TIMD4: variants seen among roughly 807,000 people sequenced by gnomAD.
TIMD4 encodes T cell immunoglobulin and mucin domain containing 4.
Under a neutral mutation model 41.2 loss-of-function variants are expected in TIMD4, and 31 were observed. The observed-to-expected ratio is 0.75, with a 90% CI of 0.57 to 1.01. TIMD4 has a LOEUF of 1.01. Among genes scored for constraint, TIMD4 ranks in the 50% least tolerant of loss-of-function variants. TIMD4 has a pLI of 0.00. For synonymous variants in TIMD4, 204 were observed against 177.1 expected, an observed-to-expected ratio of 1.15 and a Z score of -1.21; for missense variants, 479 against 472.5, an observed-to-expected ratio of 1.01 and a Z score of -0.13.
At chr5:156,925,275 A>C (rs944395335) in intron 6 of TIMD4, among the ~76,000 whole-genome samples, 4 of 152,188 alleles carry the variant, frequency 2.6e-5, no homozygotes, top group Non-Finnish European at 5.9e-5. Context: ...GCACCACTGC[A>C]CTCCAGCCTG....
intron 5 of TIMD4, among the ~76,000 whole-genome samples, chr5:156,944,997 C>T (rs1759714149): frequency 6.6e-6 from 1 of 152,098 alleles, no homozygotes; most frequent in Non-Finnish European, 1.5e-5. Flanking sequence ...TAAATCAGCC[C>T]ACAACCACAG....
At chr5:156,929,276 A>G (rs928069294) in intron 5 of TIMD4, among the ~76,000 whole-genome samples, 7 of 152,184 alleles carry the variant, frequency 4.6e-5, no homozygotes, top group African/African-American at 1.2e-4. Flanking sequence ...GCTCTGACAC[A>G]TGTACATTGA....
intron 7 of TIMD4, 86 bp downstream of exon 7, chr5:156,922,013 A>C (rs1759252012): frequency 9.8e-7 from 1 of 1,023,300 alleles, no homozygotes. Context: ...GGGAGGGATA[A>C]AGGGGAAGGA....
intron 5 of TIMD4, among the ~76,000 whole-genome samples, chr5:156,937,088 C>T (rs976764631): frequency 6.6e-6 from 1 of 152,106 alleles, no homozygotes; most frequent in East Asian, 1.9e-4. Flanking sequence ...CTTTCACATA[C>T]ATTATCTCAT....
intron 5 of TIMD4, among the ~76,000 whole-genome samples, chr5:156,944,199 G>C (rs1759696513): frequency 6.6e-6 from 1 of 152,178 alleles, no homozygotes; most frequent in Non-Finnish European, 1.5e-5. Flanking sequence ...ATATTTTCAT[G>C]TGAGTTGTTA....
intron 2 of TIMD4, among the ~76,000 whole-genome samples, chr5:156,952,127 T>C (rs1012840747): frequency 1.3e-5 from 2 of 151,910 alleles, no homozygotes; most frequent in Non-Finnish European, 2.9e-5. Flanking sequence ...CTGCCTCTAC[T>C]AAAAATACAA....
chr5:156,922,862 G>C (rs6868706), intron 6 of TIMD4, among the ~76,000 whole-genome samples: 52,840 of 152,014 alleles, frequency 0.35, 10,494 homozygotes, highest in African/African-American at 0.55. Flanking sequence ...ATATTTCTCA[G>C]TAATTTTTTC....
intron 2 of TIMD4, among the ~76,000 whole-genome samples, chr5:156,953,861 A>G (rs1427630350): frequency 6.6e-6 from 1 of 152,058 alleles, no homozygotes; most frequent in African/African-American, 2.4e-5. Context: ...CATACGCTCA[A>G]TGCAGCTCAA....
chr5:156,940,419 C>G lies in TIMD4; in HGVS notation c.844+7997G>C, dbSNP rs546423710. On this transcript the variant is annotated intron_variant, in intron 5 of 8. Transcript: ENST00000274532. ...GGAGCGTCTCTGCCTGGCCGCCCAT[C>G]GTCTGGGATGTGAGGAGCCCCTCTG... is the stretch of plus-strand genomic sequence containing the variant. Among the ~76,000 whole-genome samples the G allele has an allele frequency of 5.4e-3, 816 of 151,646 alleles. 6 individuals are homozygous for G. The highest frequency in any genetic ancestry group is 0.019 in the African/African-American group (772 of 41,350).
intron 2 of TIMD4, among the ~76,000 whole-genome samples, chr5:156,952,974 C>T (rs890316884): frequency 6.9e-6 from 1 of 145,626 alleles, no homozygotes; most frequent in African/African-American, 2.5e-5. Context: ...ACACCACTCA[C>T]CTCCTACATA....
At chr5:156,954,884 C>CT (rs57901645) in intron 1 of TIMD4, 128 bp from the exon 2 acceptor site, 23,694 of 631,776 alleles carry the variant, frequency 0.038, 2 homozygotes, top group Non-Finnish European at 0.042. Flanking sequence ...CTTTTCTTTC[C>CT]TTTTTTTTTT....
intron 6 of TIMD4, 52 bp from the exon 7 acceptor site, chr5:156,922,268 T>C (rs767253722): frequency 3.6e-6 from 5 of 1,380,404 alleles, no homozygotes; most frequent in Non-Finnish European, 5.2e-6. Context: ...GATGCCACCC[T>C]CACAAGATGA....
intron 1 of TIMD4, among the ~76,000 whole-genome samples, chr5:156,961,089 G>A (rs533861605): frequency 5.9e-5 from 9 of 152,350 alleles, no homozygotes; most frequent in African/African-American, 1.7e-4. Context: ...ATGTTGGAAA[G>A]GTTTCTGCAC....
At chr5:156,944,495 CTTTTTTTTTTTT>C (rs5872492) in intron 5 of TIMD4, among the ~76,000 whole-genome samples, 4,680 of 69,582 alleles carry the variant, frequency 0.067, 140 homozygotes, top group South Asian at 0.15. Flanking sequence ...GCTGTGTGAT[CTTTTTTTTTTTT>C]TTTTTTTTTT....
intron 3 of TIMD4, among the ~76,000 whole-genome samples, chr5:156,950,633 C>A (rs1002143566): frequency 4.6e-5 from 7 of 152,170 alleles, no homozygotes; most frequent in Admixed American, 3.3e-4. Flanking sequence ...ACAAGCCCCC[C>A]TAAGCAATGG....
chr5:156,925,727 GC>G (rs1759335305), intron 6 of TIMD4, among the ~76,000 whole-genome samples: 1 of 152,036 alleles, frequency 6.6e-6, no homozygotes, highest in South Asian at 2.1e-4. Flanking sequence ...TTTTCTTTTT[GC>G]TTTTCAAAGT....
At chr5:156,923,143 ATTT>A (rs375276732) in intron 6 of TIMD4, among the ~76,000 whole-genome samples, 5 of 135,042 alleles carry the variant, frequency 3.7e-5, no homozygotes, top group East Asian at 2.2e-4. Flanking sequence ...CTGGGATTAA[ATTT>A]TTTTTTTTTT....
chr5:156,942,923 G>A (rs1417559286), intron 5 of TIMD4, among the ~76,000 whole-genome samples: 1 of 152,170 alleles, frequency 6.6e-6, no homozygotes, highest in Non-Finnish European at 1.5e-5. Flanking sequence ...GTTCTACATA[G>A]CCATCTAAAC....
chr5:156,919,355 G>T lies in TIMD4; in HGVS notation c.*102C>A. On this transcript the variant is annotated 3_prime_UTR_variant, in exon 9 of 9. Coordinates refer to ENST00000274532, the MANE Select transcript of TIMD4 (RefSeq NM_138379.3). ...GCAAGCCTGGATCAATGACATCCAT[G>T]GAATAAGTGAGTCTTTTTTATGAAA... 9.3e-7 allele frequency: 1 copy of T among 1,072,746 alleles called. No individual in the cohort carries two copies. Among genetic ancestry groups the T allele is most frequent in the Non-Finnish European group, 1.4e-6 (1 of 714,542 alleles). 66.5% of individuals were successfully genotyped at this position (1,072,746 alleles called of 1,614,324 possible).
Sources: gnomAD v4.1 joint callset for allele counts (sites outside exome capture counted in the v4.1 genomes callset) on GRCh38, gnomAD v4.1.1 for gene constraint, MANE v1.5 for transcripts, NCBI Gene and HGNC (gene_info 2026-07-23, HGNC 2026-07-21) for gene names.